Variants in PLCD3 observed in about 807,000 individuals in gnomAD.
PLCD3 encodes the protein phospholipase C delta 3.
A neutral mutation model predicts 82.8 loss-of-function variants in PLCD3; 62 were observed. The observed-to-expected ratio is 0.75, with a 90% CI of 0.61 to 0.93. PLCD3 has a LOEUF of 0.93. PLCD3 is among the 40% of genes least tolerant of loss of function. PLCD3 has a pLI of 0.00. For missense variants in PLCD3, 1,023 were observed against 1,103.4 expected (o/e 0.93, Z 1.03); for synonymous variants, 478 against 471.8 (o/e 1.01, Z -0.17).
At position 45,121,259 on chromosome 17, in the gene PLCD3, T is replaced by C. The variant is rs1283286553; in HGVS notation, c.277A>G (p.Ser93Gly). 1.3e-6 allele frequency: 2 copies of C among 1,592,152 alleles called. No homozygotes were observed. Among genetic ancestry groups the C allele is most frequent in the Non-Finnish European group, 1.7e-6 (2 of 1,177,290 alleles). ...RLYRLQEDGL[S>G]VWFQRRIPRA... ...GGGATGCGCCGCTGGAACCACACGC[T>C]CAGGCCGTCCTCCTGCAGCCGGTAC... The change falls in exon 2 of 15, where the codon AGC (serine) becomes GGC (glycine). Residue 93 changes from serine (S) to glycine (G), a missense_variant. Around this residue, in one of 3 missense-constraint regions of PLCD3, gnomAD observed 448 missense variants for 406.3 expected, o/e 1.10. Transcript: ENST00000619929.
At position 45,132,467 on chromosome 17, in the gene PLCD3, G is replaced by T; in HGVS notation, c.-57C>A. The T allele has an allele frequency of 9.1e-7, 1 of 1,098,110 alleles. No homozygotes were observed. Among genetic ancestry groups the T allele is most frequent in the South Asian group, 4.5e-5 (1 of 22,386 alleles). 68.0% of individuals were successfully genotyped at this position (1,098,110 alleles called of 1,614,324 possible). Reference sequence around the variant, plus strand: ...GTCTGCACGCGGGGACAGGGCAGCGGGGCGCCGCTCTGGCCCGGCCCCGGC... The same window carrying T: ...GTCTGCACGCGGGGACAGGGCAGCGTGGCGCCGCTCTGGCCCGGCCCCGGC... On this transcript the variant is annotated 5_prime_UTR_variant, in exon 1 of 15. Coordinates refer to ENST00000619929, the MANE Select transcript of PLCD3 (RefSeq NM_133373.5). This position sits in a 1 kb window ranked among gnomAD's most constrained non-coding sequence, Gnocchi z 4.6.
intron 1 of PLCD3, among the ~76,000 whole-genome samples, chr17:45,126,119 C>G (rs2054379550): frequency 6.6e-6 from 1 of 150,558 alleles, no homozygotes; most frequent in South Asian, 2.1e-4. Flanking sequence ...ACTTGGCTCA[C>G]TGCAAGCTCC....
chr17:45,113,461 G>A lies in PLCD3; in HGVS notation c.1973C>T (p.Pro658Leu), dbSNP rs1301185465. The part of the protein sequence containing the change: ...STFDPEYPGP[P>L]RTTLSIQVLT... The stretch of plus-strand genomic sequence containing the variant: ...GACCTGGATGCTGAGAGTGGTTCTG[G>A]GAGGTCCTGGGTACTCGGGGTCAAA... Residue 658 changes from proline to leucine, a missense_variant, in exon 12 of 15, where the codon CCC (proline) becomes CTC (leucine). Coordinates refer to ENST00000619929, the MANE Select transcript of PLCD3 (RefSeq NM_133373.5). 1.3e-6 allele frequency: 2 copies of A among 1,595,604 alleles called. No individual in the cohort carries two copies. The highest frequency in any genetic ancestry group is 1.7e-6 in the Non-Finnish European group (2 of 1,171,214).
In PLCD3 at chr17:45,114,312, C is replaced by G. The variant is rs1476326255; in HGVS notation, c.1766G>C (p.Gly589Ala). The G allele has an allele frequency of 3.2e-6, 5 of 1,549,678 alleles. No homozygotes were observed. The highest frequency in any genetic ancestry group is 4.4e-6 in the Non-Finnish European group (5 of 1,146,236). ...GTAGTTGGCTGAGTTCATCCGCAGC[C>G]CCAGCGGGTACACGCGGGTCAGCTG... is the stretch of plus-strand genomic sequence containing the variant. ...ARQLTRVYPLGLRMNSANYSP... is the reference protein window; with the variant it reads ...ARQLTRVYPLALRMNSANYSP... Residue 589 changes from glycine (G) to alanine (A), a missense_variant, in exon 11 of 15, where the codon GGG becomes GCG. This residue lies in a region of PLCD3 where 553 missense variants were observed against 655.7 expected (regional missense o/e 0.84). Transcript: ENST00000619929.
intron 1 of PLCD3, among the ~76,000 whole-genome samples, chr17:45,127,729 G>C (rs549547970): frequency 6.6e-6 from 1 of 152,224 alleles, no homozygotes; most frequent in Non-Finnish European, 1.5e-5. Flanking sequence ...GGTGTGTGTG[G>C]GGTGTATGCA....
chr17:45,114,110 C>T (rs1046996356), intron 11 of PLCD3, 140 bp downstream of exon 11: 2 of 635,422 alleles, frequency 3.1e-6, no homozygotes, highest in Non-Finnish European at 5.3e-6. Flanking sequence ...GATTTTCCCA[C>T]CTACATTGCT....
chr17:45,129,053 C>T (rs2054401648), intron 1 of PLCD3: 1 of 152,268 alleles, frequency 6.6e-6, no homozygotes, highest in African/African-American at 2.4e-5. Flanking sequence ...TTAGTTTCCT[C>T]ATCTGTAAGA....
chr17:45,115,713 A>C, intron 8 of PLCD3: 1 of 541,078 alleles, frequency 1.8e-6, no homozygotes, highest in Non-Finnish European at 3.3e-6. Context: ...CAGAATATAC[A>C]CAGCAGCCAC....
Position 45,114,334 on chromosome 17 carries a change from G to A in PLCD3, c.1744C>T (p.Leu582=). The change falls in exon 11 of 15, where the codon CTG becomes TTG. Residue 582 remains leucine, a synonymous_variant. Transcript: ENST00000619929. The stretch of plus-strand genomic sequence containing the variant: ...AGCCCCAGCGGGTACACGCGGGTCA[G>A]CTGGCGGGCATTGTGCCTGACAAAG... ...NSFVRHNARQ[L]TRVYPLGLRM... is the part of the protein sequence containing the mutation. 1.9e-6 allele frequency: 3 copies of A among 1,549,382 alleles called. No individual in the cohort carries two copies. Among genetic ancestry groups the A allele is most frequent in the Non-Finnish European group, 2.6e-6 (3 of 1,146,112 alleles).
In PLCD3 at chr17:45,115,349, G is replaced by A. The variant is rs1034442739; in HGVS notation, c.1555C>T (p.Arg519Trp). ...CCACCCATCCCAGCTCTCACCAGCCGCCTCTGCGCTGCAGCCTCCACCTCC... is the reference window on the plus strand; with the variant it reads ...CCACCCATCCCAGCTCTCACCAGCCACCTCTGCGCTGCAGCCTCCACCTCC... ...EEEVEAAAQRRLAKQISPELS... is the reference protein window; with the variant it reads ...EEEVEAAAQRWLAKQISPELS... The change falls in exon 9 of 15, where the codon CGG becomes TGG. Residue 519 changes from arginine to tryptophan, a missense_variant. By Grantham distance (101) the Arg-to-Trp change is moderately radical. Coordinates refer to ENST00000619929, the MANE Select transcript of PLCD3 (RefSeq NM_133373.5). The A allele has an allele frequency of 1.5e-5, 11 of 715,736 alleles. No individual in the cohort carries two copies. The East Asian group carries it at 2.2e-4, about 15-fold the overall frequency. 44.3% of individuals were successfully genotyped at this position (715,736 alleles called of 1,614,324 possible).
At chr17:45,126,347 A>ATTTTTTTTTT (rs398030937) in intron 1 of PLCD3, among the ~76,000 whole-genome samples, 2 of 79,096 alleles carry the variant, frequency 2.5e-5, no homozygotes, top group Non-Finnish European at 4.3e-5. Context: ...CGCCCAGCCT[A>ATTTTTTTTTT]TTTTTTTTTT....
In PLCD3 at chr17:45,121,130, A is replaced by G. The variant is rs1283013842; in HGVS notation, c.326T>C (p.Phe109Ser). Residue 109 changes from phenylalanine (F) to serine (S), a missense_variant and splice_region_variant, in exon 3 of 15, where the codon TTC becomes TCC. Around this residue, in one of 3 missense-constraint regions of PLCD3, gnomAD observed 448 missense variants for 406.3 expected, o/e 1.10. Transcript: ENST00000619929. ...GACCGCCTCGATGTGCTGCACGAAG[A>G]CTGAGAGGAGGGCCGGGTCAGGGCG... ...RIPRAPSQHI[F>S]FVQHIEAVRE... 1.3e-6 allele frequency: 2 copies of G among 1,522,878 alleles called. No individual in the cohort carries two copies. The highest frequency in any genetic ancestry group is 8.8e-7 in the Non-Finnish European group (1 of 1,141,920). The allele number at this position is 1,522,878 out of a possible 1,614,324, so 94.3% of individuals were successfully genotyped here.
At position 45,115,156 on chromosome 17, in the gene PLCD3, G is replaced by A; in HGVS notation, c.1649C>T (p.Pro550Leu). ...LRTLHPAPNA[P>L]QPCQVSSLSE... ...GAGGGAGCTGACCTGGCAGGGTTGT[G>A]GGGCGTTGGGGGCAGGGTGCAGGGT... The change falls in exon 10 of 15, where the codon CCA (proline) becomes CTA (leucine). Residue 550 changes from proline (P) to leucine (L), a missense_variant. By Grantham distance (98) the Pro-to-Leu change is moderately conservative (BLOSUM62 -3). Around this residue, in one of 3 missense-constraint regions of PLCD3, gnomAD observed 553 missense variants for 655.7 expected, o/e 0.84. Transcript: ENST00000619929. 1.3e-6 allele frequency: 2 copies of A among 1,598,080 alleles called. No individual in the cohort carries two copies. Among genetic ancestry groups the A allele is most frequent in the Non-Finnish European group, 1.7e-6 (2 of 1,172,516 alleles).
intron 10 of PLCD3, 126 bp from the exon 11 acceptor site, chr17:45,114,492 C>T: frequency 1.5e-6 from 1 of 667,694 alleles, no homozygotes; most frequent in Non-Finnish European, 2.4e-6. Context: ...GCTCCTCACT[C>T]TCTTCTGACC....
chr17:45,115,468 A>C lies in PLCD3; in HGVS notation c.1436T>G (p.Val479Gly). ...AGCAGCGGGCAACTTCTTTCCCTTC[A>C]CCAGGACCCGGCCCTTCAGCTGCTG... ...SPEQLKGRVL[V>G]KGKKLPAARS... The change falls in exon 9 of 15, where the codon GTG (valine) becomes GGG (glycine). Residue 479 changes from valine to glycine, a missense_variant. Transcript: ENST00000619929. 6.2e-7 allele frequency: 1 copy of C among 1,610,858 alleles called. No individual in the cohort carries two copies. Among genetic ancestry groups the C allele is most frequent in the Non-Finnish European group, 8.5e-7 (1 of 1,178,936 alleles).
At chr17:45,116,419 G>A (rs1335244962) in intron 8 of PLCD3, among the ~76,000 whole-genome samples, 1 of 152,032 alleles carries the variant, frequency 6.6e-6, no homozygotes, top group Non-Finnish European at 1.5e-5. Flanking sequence ...AAGAGGGTGT[G>A]TGTGTGGGGG....
chr17:45,130,853 A>C (rs1598039347), intron 1 of PLCD3, among the ~76,000 whole-genome samples: 5 of 137,856 alleles, frequency 3.6e-5, no homozygotes, highest in African/African-American at 8.3e-5. Flanking sequence ...CCCCTTTGCC[A>C]CTCCCGTCTT....
In PLCD3 at chr17:45,118,801, G is replaced by C; in HGVS notation, c.913+14C>G. On this transcript the variant is annotated intron_variant, in intron 5 of 14. Coordinates refer to ENST00000619929, the MANE Select transcript of PLCD3 (RefSeq NM_133373.5). This position sits in a 1 kb window ranked among gnomAD's most constrained non-coding sequence, Gnocchi z 4.1. ...CTTTCAGGTGCCACGACCTGGCCGTGCCACCCCCCCCACCTGTCTCGTTGA... is the reference window on the plus strand; with the variant it reads ...CTTTCAGGTGCCACGACCTGGCCGTCCCACCCCCCCCACCTGTCTCGTTGA... 1 of 1,591,180 alleles carries C rather than the reference G, an allele frequency of 6.3e-7. No homozygotes were observed. The highest frequency in any genetic ancestry group is 8.6e-7 in the Non-Finnish European group (1 of 1,167,048).
chr17:45,115,759 G>T, intron 8 of PLCD3, among the ~76,000 whole-genome samples: 1 of 152,226 alleles, frequency 6.6e-6, no homozygotes, highest in East Asian at 1.9e-4. Context: ...TGAAAGGAAA[G>T]GGACCCTCTT....
Sources: gnomAD v4.1 joint callset for allele counts (sites outside exome capture counted in the v4.1 genomes callset) on GRCh38, gnomAD v4.1.1 for gene constraint, gnomAD v4.1.1 regional missense constraint, Gnocchi (gnomAD v3.1) non-coding constraint, MANE v1.5 for transcripts, NCBI Gene and HGNC (gene_info 2026-07-23, HGNC 2026-07-21) for gene names.